GRIK4: variants seen among roughly 807,000 people sequenced by gnomAD.
GRIK4 encodes glutamate ionotropic receptor kainate type subunit 4, also known as glutamate receptor ionotropic, kainate 4.
A neutral mutation model predicts 104.9 loss-of-function variants in GRIK4; 40 were observed. That is an observed-to-expected ratio of 0.38 (90% confidence interval 0.30 to 0.50). The LOEUF (loss-of-function observed/expected upper bound fraction) is 0.50. Among genes scored for constraint, GRIK4 ranks in the 20% least tolerant of loss-of-function variants. The pLI, the probability that GRIK4 is intolerant of heterozygous loss-of-function variation, is 0.93. For missense variants in GRIK4, 1,047 were observed against 1,308.1 expected, an observed-to-expected ratio of 0.80 and a Z score of 3.08; for synonymous variants, 485 against 524.9, an observed-to-expected ratio of 0.92 and a Z score of 1.04.
intron 4 of GRIK4, among the ~76,000 whole-genome samples, chr11:120,813,535 GA>G (rs1265162005): frequency 6.6e-6 from 1 of 152,178 alleles, no homozygotes; most frequent in African/African-American, 2.4e-5. Flanking sequence ...CCAGTCAGCT[GA>G]GATTTTGGGA....
chr11:120,802,886 C>T, intron 4 of GRIK4, 29 bp downstream of exon 4: 1 of 1,602,928 alleles, frequency 6.2e-7, no homozygotes, highest in African/African-American at 1.3e-5. Context: ...GCTGCCTCTT[C>T]CCTTGCTGGC....
chr11:120,530,392 G>A (rs1038712995), intron 1 of GRIK4, among the ~76,000 whole-genome samples: 5 of 151,942 alleles, frequency 3.3e-5, no homozygotes, highest in African/African-American at 1.2e-4. Context: ...TGGGGTGTGG[G>A]TGGGGGTAGG....
chr11:120,711,174 A>G (rs1357138837), intron 3 of GRIK4, among the ~76,000 whole-genome samples: 1 of 152,194 alleles, frequency 6.6e-6, no homozygotes, highest in Non-Finnish European at 1.5e-5. Flanking sequence ...AGAGACATCA[A>G]ATACTAATGG....
chr11:120,667,048 G>T (rs1591785899), intron 3 of GRIK4, among the ~76,000 whole-genome samples: 1 of 152,322 alleles, frequency 6.6e-6, no homozygotes, highest in Middle Eastern at 3.4e-3. Context: ...CCCGGAGGGG[G>T]CCACACAGGT....
chr11:120,959,784 G>A (rs1944248824), intron 16 of GRIK4, among the ~76,000 whole-genome samples: 1 of 152,186 alleles, frequency 6.6e-6, no homozygotes, highest in Non-Finnish European at 1.5e-5. Context: ...TCTAATTCCA[G>A]CCTTTCAGCA....
intron 3 of GRIK4, among the ~76,000 whole-genome samples, chr11:120,770,924 G>A (rs1314228934): frequency 6.6e-6 from 1 of 152,212 alleles, no homozygotes; most frequent in African/African-American, 2.4e-5. Flanking sequence ...ATAACTGTGA[G>A]AAATGAATTT....
chr11:120,543,002 A>T (rs1948052118), intron 1 of GRIK4, among the ~76,000 whole-genome samples: 1 of 152,240 alleles, frequency 6.6e-6, no homozygotes, highest in Non-Finnish European at 1.5e-5. Context: ...TAATTTGTGA[A>T]TGGGGAAACT....
intron 11 of GRIK4, among the ~76,000 whole-genome samples, chr11:120,879,374 C>T (rs1435854546): frequency 6.6e-6 from 1 of 152,222 alleles, no homozygotes; most frequent in African/African-American, 2.4e-5. Context: ...TTCATTCTCT[C>T]TCTTCCTGTC....
intron 13 of GRIK4, among the ~76,000 whole-genome samples, chr11:120,924,714 G>T (rs2134582214): frequency 6.6e-6 from 1 of 152,294 alleles, no homozygotes; most frequent in Non-Finnish European, 1.5e-5. Context: ...CTTAGACGTT[G>T]CTGTGGGTCT....
At chr11:120,553,834 C>T (rs565719300) in intron 1 of GRIK4, among the ~76,000 whole-genome samples, 12 of 152,234 alleles carry the variant, frequency 7.9e-5, no homozygotes, top group Admixed American at 5.2e-4. Context: ...TGTCTCTCTC[C>T]GGAGTAGAGT....
intron 11 of GRIK4, among the ~76,000 whole-genome samples, chr11:120,897,043 A>G (rs1401544001): frequency 6.6e-6 from 1 of 152,198 alleles, no homozygotes; most frequent in Non-Finnish European, 1.5e-5. Flanking sequence ...GGCCAGGTGC[A>G]GTGGCTCACG....
intron 1 of GRIK4, among the ~76,000 whole-genome samples, chr11:120,613,645 G>C (rs982929514): frequency 2.6e-5 from 4 of 152,218 alleles, no homozygotes; most frequent in African/African-American, 9.6e-5. Flanking sequence ...GATGGAGCTT[G>C]GAGGAGATGC....
At chr11:120,807,514 C>G (rs1490209472) in intron 4 of GRIK4, among the ~76,000 whole-genome samples, 5 of 152,182 alleles carry the variant, frequency 3.3e-5, no homozygotes, top group African/African-American at 1.2e-4. Context: ...CGTTCCAGCT[C>G]CACATGGCTG....
intron 1 of GRIK4, among the ~76,000 whole-genome samples, chr11:120,624,879 G>A (rs531483144): frequency 6.6e-6 from 1 of 152,186 alleles, no homozygotes; most frequent in South Asian, 2.1e-4. Flanking sequence ...ATCTTGGGGG[G>A]ATGGGGTGCA....
At chr11:120,777,310 A>G (rs1952063182) in intron 3 of GRIK4, among the ~76,000 whole-genome samples, 1 of 152,034 alleles carries the variant, frequency 6.6e-6, no homozygotes, top group African/African-American at 2.4e-5. Context: ...TGGACCTGCA[A>G]TTTCCCTTCT....
intron 1 of GRIK4, among the ~76,000 whole-genome samples, chr11:120,610,842 A>G (rs1404144530): frequency 6.6e-6 from 1 of 152,186 alleles, no homozygotes; most frequent in Non-Finnish European, 1.5e-5. Flanking sequence ...GCTACAGGTT[A>G]TGCCTAGTGA....
rs545141882 is a variant in GRIK4 at position 120,603,649 on chromosome 11, C to T, written c.-158-50036C>T. Reference sequence around the variant, plus strand: ...ATCTTGAAAATAAAGAAACACATGCCGGGCATAGGGCCCAGGGCTTGGGTT... The same window carrying T: ...ATCTTGAAAATAAAGAAACACATGCTGGGCATAGGGCCCAGGGCTTGGGTT... On this transcript the variant is annotated intron_variant, in intron 1 of 20. Transcript: ENST00000527524. Among the ~76,000 whole-genome samples, 4 of 152,294 alleles carry T rather than the reference C, an allele frequency of 2.6e-5. No individual in the cohort carries two copies. The South Asian group carries it at 6.2e-4, about 24-fold the overall frequency.
chr11:120,733,711 T>G (rs575331180), intron 3 of GRIK4, among the ~76,000 whole-genome samples: 1 of 152,180 alleles, frequency 6.6e-6, no homozygotes, highest in Non-Finnish European at 1.5e-5. Context: ...TTAATTTTTA[T>G]TGGTTCATTG....
At chr11:120,715,747 G>A (rs770587885) in intron 3 of GRIK4, among the ~76,000 whole-genome samples, 13 of 152,314 alleles carry the variant, frequency 8.5e-5, no homozygotes, top group East Asian at 3.9e-4. Flanking sequence ...CCACGTGGGC[G>A]CCACACCCGC....
Sources: allele counts gnomAD v4.1 joint callset (sites outside exome capture counted in the v4.1 genomes callset), GRCh38; gene constraint gnomAD v4.1.1; transcripts MANE v1.5; gene names NCBI Gene and HGNC (gene_info 2026-07-23, HGNC 2026-07-21).